KIF1A: variants seen among roughly 807,000 people sequenced by gnomAD.
The protein encoded by KIF1A is kinesin family member 1A.
A neutral mutation model predicts 227.3 loss-of-function variants in KIF1A; 46 were observed. The ratio of observed to expected loss-of-function variants is 0.20; its 90% confidence interval spans 0.16 to 0.26. The LOEUF is 0.26. Among genes scored for constraint, KIF1A ranks in the 10% least tolerant of loss-of-function variants. The pLI, the probability that KIF1A is intolerant of heterozygous loss-of-function variation, is 1.00. For missense variants in KIF1A, 1,683 were observed against 2,485.9 expected (o/e 0.68, Z 6.87); for synonymous variants, 1,022 against 1,012.8 (o/e 1.01, Z -0.17).
At chr2:240,816,757 C>T (rs765944155) in intron 1 of KIF1A, among the ~76,000 whole-genome samples, 2 of 152,218 alleles carry the variant, frequency 1.3e-5, no homozygotes, top group South Asian at 4.1e-4. Context: ...TCCACACATC[C>T]GGATCAATCT....
chr2:240,743,066 C>T, intron 33 of KIF1A, 82 bp from the exon 34 acceptor site: 2 of 1,141,060 alleles, frequency 1.8e-6, no homozygotes. Context: ...CTACAGGCCC[C>T]AGGTGCCCAT....
chr2:240,796,474 A>G (rs1397302083), intron 2 of KIF1A, among the ~76,000 whole-genome samples: 2 of 152,110 alleles, frequency 1.3e-5, no homozygotes, highest in African/African-American at 4.8e-5. Flanking sequence ...GCTTCCCCTC[A>G]AACTTCCCCA....
chr2:240,816,258 G>C (rs1422794953), intron 1 of KIF1A, among the ~76,000 whole-genome samples: 1 of 152,026 alleles, frequency 6.6e-6, no homozygotes, highest in Non-Finnish European at 1.5e-5. Flanking sequence ...GGGTATGTGA[G>C]TGTGCATGAG....
chr2:240,733,854 T>C (rs977179716), intron 38 of KIF1A, among the ~76,000 whole-genome samples: 1 of 152,234 alleles, frequency 6.6e-6, no homozygotes, highest in Admixed American at 6.5e-5. Context: ...GCCACAGTCA[T>C]GCAGGGACCC....
At position 240,793,791 on chromosome 2, in the gene KIF1A, G is replaced by A. The variant is rs559636100; in HGVS notation, c.106+3856C>T. On this transcript the variant is annotated intron_variant, in intron 2 of 48. Transcript: ENST00000498729. The surrounding 1 kb of genome is among the most constrained non-coding windows in gnomAD (Gnocchi z 4.8). ...GCGTCACAGCGGAGCTACAAGGCAC[G>A]CTTTAGAGAGTGGGGCCTCTCCTCA... Among the ~76,000 whole-genome samples the A allele has an allele frequency of 3.3e-5, 5 of 152,176 alleles. No homozygotes were observed. Among genetic ancestry groups the A allele is most frequent in the South Asian group, 2.1e-4 (1 of 4,826 alleles).
chr2:240,785,434 G>A (rs781139837), intron 6 of KIF1A, among the ~76,000 whole-genome samples: 3 of 152,242 alleles, frequency 2.0e-5, no homozygotes, highest in Non-Finnish European at 4.4e-5. Context: ...GGAGGGGAAG[G>A]GGGAAAGGGC....
intron 1 of KIF1A, among the ~76,000 whole-genome samples, chr2:240,799,530 C>T (rs1053593254): frequency 4.6e-5 from 7 of 152,268 alleles, no homozygotes; most frequent in Non-Finnish European, 8.8e-5. Context: ...CGCGTCTACA[C>T]TCCAGAGTGC....
chr2:240,802,096 G>GA (rs11367239), intron 1 of KIF1A, among the ~76,000 whole-genome samples: 1,210 of 101,668 alleles, frequency 0.012, 10 homozygotes, highest in Middle Eastern at 0.018. Context: ...AAGTCAGCCA[G>GA]AAAAAAAAAA....
chr2:240,750,218 C>T (rs1025985471), intron 28 of KIF1A, among the ~76,000 whole-genome samples: 5 of 152,136 alleles, frequency 3.3e-5, no homozygotes, highest in African/African-American at 7.2e-5. Context: ...GGGCCCACTG[C>T]GGGGCAGCAG....
chr2:240,782,456 G>C (rs1026219726), intron 10 of KIF1A, 134 bp downstream of exon 10: 4 of 1,054,916 alleles, frequency 3.8e-6, no homozygotes, highest in Non-Finnish European at 5.5e-6. Context: ...CTTCCTTCCC[G>C]GGATCCACCC....
chr2:240,726,883 C>T lies in KIF1A; in HGVS notation c.4065G>A (p.Leu1355=), dbSNP rs771575018. 5.0e-6 allele frequency: 8 copies of T among 1,612,792 alleles called. No homozygotes were observed. In the East Asian group the frequency reaches 1.3e-4, roughly 27 times the overall value. ...TCTCTCGATAAGGGGTGACCCGGTT[C>T]AGCAGGAGAGAGTTGTGCATGGAGC... is the stretch of plus-strand genomic sequence containing the variant. The part of the protein sequence containing the change: ...WDSSMHNSLL[L]NRVTPYREKI... Residue 1355 remains leucine (L), a synonymous_variant, in exon 39 of 49, where the codon CTG becomes CTA. Transcript: ENST00000498729. This position sits in a 1 kb window ranked among gnomAD's most constrained non-coding sequence, Gnocchi z 5.2.
intron 2 of KIF1A, among the ~76,000 whole-genome samples, chr2:240,791,472 C>T (rs1310187765): frequency 4.8e-5 from 4 of 83,128 alleles, no homozygotes; most frequent in Non-Finnish European, 1.0e-4. Context: ...GCACTCAGGT[C>T]GGGCTCCCCG....
intron 1 of KIF1A, among the ~76,000 whole-genome samples, chr2:240,819,526 C>A (rs1370211990): frequency 6.6e-6 from 1 of 151,980 alleles, no homozygotes; most frequent in Non-Finnish European, 1.5e-5. Flanking sequence ...CCCCGCCCGC[C>A]TGTTTTGCTC....
intron 17 of KIF1A, among the ~76,000 whole-genome samples, chr2:240,768,471 C>T (rs533913142): frequency 6.6e-6 from 1 of 152,366 alleles, no homozygotes; most frequent in Admixed American, 6.5e-5. Context: ...GGTGTCTGTC[C>T]CCATGTCCTG....
At chr2:240,765,651 C>A (rs2051078503) in intron 20 of KIF1A, 59 bp downstream of exon 20, 1 of 1,372,564 alleles carries the variant, frequency 7.3e-7, no homozygotes, top group African/African-American at 1.4e-5. Context: ...GACATGGGAA[C>A]AGAGGCCTCG....
At chr2:240,728,513 T>C (rs370849123) in intron 38 of KIF1A, 5 of 752,782 alleles carry the variant, frequency 6.6e-6, no homozygotes, top group African/African-American at 3.6e-5. Context: ...AACTTAAGAG[T>C]TCGGCAGGTG....
intron 10 of KIF1A, among the ~76,000 whole-genome samples, chr2:240,779,160 ACACTCAGTTCCACACTCAGTCCCT>A (rs1341827027): frequency 3.8e-5 from 5 of 130,372 alleles, no homozygotes; most frequent in Non-Finnish European, 6.2e-5. Flanking sequence ...ACACAGTTCC[ACACTCAGTTCCACACTCAGTCCCT>A]CACTCAGTTC....
At chr2:240,800,368 C>T (rs1488709446) in intron 1 of KIF1A, among the ~76,000 whole-genome samples, 1 of 152,092 alleles carries the variant, frequency 6.6e-6, no homozygotes, top group Non-Finnish European at 1.5e-5. Context: ...GGCCAGCAGC[C>T]GACCAATGCA....
chr2:240,721,870 G>T lies in KIF1A; in HGVS notation c.4680C>A (p.Leu1560=), dbSNP rs1257056232. 1.7e-5 allele frequency: 27 copies of T among 1,606,168 alleles called. No homozygotes were observed. The highest frequency in any genetic ancestry group is 2.2e-5 in the Non-Finnish European group (26 of 1,179,100). The change falls in exon 44 of 49, where the codon CTC becomes CTA. Residue 1560 remains leucine (L), a synonymous_variant. Transcript: ENST00000498729. ...RELAVKCLRL[L]THTFNREYTH... is the part of the protein sequence containing the mutation. ...TGTACTCTCTGTTGAATGTGTGCGTGAGCAGGCGCAAGCACTGTGGACAGA... is the reference window on the plus strand; with the variant it reads ...TGTACTCTCTGTTGAATGTGTGCGTTAGCAGGCGCAAGCACTGTGGACAGA...
Sources: allele counts gnomAD v4.1 joint callset (sites outside exome capture counted in the v4.1 genomes callset), GRCh38; gene constraint gnomAD v4.1.1; non-coding constraint Gnocchi (gnomAD v3.1); transcripts MANE v1.5; gene names NCBI Gene and HGNC (gene_info 2026-07-23, HGNC 2026-07-21).